Variants in B4GALT5 observed in about 807,000 individuals in gnomAD.
B4GALT5 encodes the protein beta-1,4-galactosyltransferase 5, also known as UDP-Gal:beta-GlcNAc beta-1,4-galactosyltransferase 5.
B4GALT5 carries 11 observed loss-of-function variants against 45.0 expected under a neutral mutation model. The ratio of observed to expected loss-of-function variants is 0.24; its 90% CI spans 0.15 to 0.40. The LOEUF (loss-of-function observed/expected upper bound fraction) is 0.40, where lower values mean the gene tolerates loss of function less well. Ranked by LOEUF, B4GALT5 falls within the 10% of genes least tolerant of loss-of-function variation. B4GALT5 has a pLI of 1.00. For missense variants in B4GALT5, 337 were observed against 500.2 expected (o/e 0.67, Z 3.11); for synonymous variants, 185 against 182.9 (o/e 1.01, Z -0.09).
At chr20:49,687,474 T>A (rs1406572383) in intron 1 of B4GALT5, among the ~76,000 whole-genome samples, 1 of 151,976 alleles carries the variant, frequency 6.6e-6, no homozygotes, top group Non-Finnish European at 1.5e-5. Flanking sequence ...TGAAACCCTG[T>A]CTCTACTAAA....
At chr20:49,659,037 T>C (rs867413267) in intron 1 of B4GALT5, among the ~76,000 whole-genome samples, 3 of 152,230 alleles carry the variant, frequency 2.0e-5, no homozygotes, top group South Asian at 4.1e-4. Context: ...CACTAGAATT[T>C]GAACCAGGTG....
chr20:49,665,658 CAAGT>C (rs1259657584), intron 1 of B4GALT5, among the ~76,000 whole-genome samples: 1 of 149,794 alleles, frequency 6.7e-6, no homozygotes, highest in East Asian at 1.9e-4. Context: ...TAAAGAGATA[CAAGT>C]AAGACACAGT....
At chr20:49,713,305 GGCGT>G (rs2085927297) in intron 1 of B4GALT5, among the ~76,000 whole-genome samples, 1 of 151,886 alleles carries the variant, frequency 6.6e-6, no homozygotes, top group African/African-American at 2.4e-5. Context: ...GCAAGGGGCG[GGCGT>G]GAAGGTACAG....
chr20:49,709,768 CAAA>C (rs201077150), intron 1 of B4GALT5, among the ~76,000 whole-genome samples: 2 of 94,656 alleles, frequency 2.1e-5, no homozygotes, highest in African/African-American at 3.8e-5. Flanking sequence ...AACTCCGTCT[CAAA>C]AAAAAAAAAA....
chr20:49,695,636 C>T (rs1291535963), intron 1 of B4GALT5, among the ~76,000 whole-genome samples: 2 of 152,124 alleles, frequency 1.3e-5, no homozygotes, highest in African/African-American at 2.4e-5. Context: ...GTCTTGAACT[C>T]CCGACCTCAG....
At chr20:49,679,425 T>C (rs2085754848) in intron 1 of B4GALT5, among the ~76,000 whole-genome samples, 2 of 151,848 alleles carry the variant, frequency 1.3e-5, no homozygotes, top group African/African-American at 2.4e-5. Context: ...TCCCAGCACT[T>C]TGGGAGGCCG....
intron 3 of B4GALT5, among the ~76,000 whole-genome samples, chr20:49,646,414 T>C (rs2123003558): frequency 6.6e-6 from 1 of 152,260 alleles, no homozygotes; most frequent in Middle Eastern, 3.4e-3. Flanking sequence ...GCTGTACCAT[T>C]TTTTATCTTT....
intron 2 of B4GALT5, among the ~76,000 whole-genome samples, 161 bp from the exon 3 acceptor site, chr20:49,647,239 C>T (rs1389929199): frequency 6.6e-6 from 1 of 152,160 alleles, no homozygotes; most frequent in Non-Finnish European, 1.5e-5. Context: ...GTGAACCCAT[C>T]AATAAAAATG....
intron 1 of B4GALT5, among the ~76,000 whole-genome samples, chr20:49,685,372 G>C (rs533098747): frequency 1.3e-5 from 2 of 151,978 alleles, no homozygotes; most frequent in Admixed American, 6.6e-5. Flanking sequence ...CCTCTACCAG[G>C]GCCCTTCAAA....
At chr20:49,640,810 A>C in intron 5 of B4GALT5, 145 bp from the exon 6 acceptor site, 2 of 811,318 alleles carry the variant, frequency 2.5e-6, no homozygotes, top group Non-Finnish European at 3.7e-6. Flanking sequence ...AAATCAACTC[A>C]CAGTGTGGCT....
At chr20:49,684,496 G>C in intron 1 of B4GALT5, 1 of 498,332 alleles carries the variant, frequency 2.0e-6, no homozygotes, top group South Asian at 1.5e-5. Flanking sequence ...CCAGGAGGCA[G>C]AGCTTGCAGT....
chr20:49,695,399 C>T (rs982215327), intron 1 of B4GALT5, among the ~76,000 whole-genome samples: 2 of 148,304 alleles, frequency 1.3e-5, no homozygotes, highest in Non-Finnish European at 3.0e-5. Flanking sequence ...CCTATCATGA[C>T]AGTCTGTTGT....
intron 1 of B4GALT5, among the ~76,000 whole-genome samples, chr20:49,668,359 G>T (rs2085700980): frequency 1.3e-5 from 2 of 151,988 alleles, no homozygotes; most frequent in African/African-American, 4.8e-5. Flanking sequence ...TGTCTAAACA[G>T]ATACTAGATG....
chr20:49,663,414 G>A (rs1422289729), intron 1 of B4GALT5, among the ~76,000 whole-genome samples: 1 of 149,646 alleles, frequency 6.7e-6, no homozygotes, highest in Non-Finnish European at 1.5e-5. Flanking sequence ...CTTAATAAAG[G>A]GAAATTGATA....
chr20:49,651,261 G>A (rs965805805), intron 2 of B4GALT5, among the ~76,000 whole-genome samples: 1 of 152,048 alleles, frequency 6.6e-6, no homozygotes, highest in Non-Finnish European at 1.5e-5. Flanking sequence ...ACTCCAGCCC[G>A]GGCAACAGAG....
At chr20:49,665,426 G>GT (rs1456492896) in intron 1 of B4GALT5, among the ~76,000 whole-genome samples, 3 of 76,334 alleles carry the variant, frequency 3.9e-5, no homozygotes, top group Non-Finnish European at 5.1e-5. Flanking sequence ...AAAAGGGGGG[G>GT]TGGGGGGGTA....
chr20:49,668,559 A>G (rs2146343054), intron 1 of B4GALT5, among the ~76,000 whole-genome samples: 1 of 132,498 alleles, frequency 7.5e-6, no homozygotes, highest in South Asian at 2.7e-4. Context: ...GAAACTGAAC[A>G]CGTACACTTA....
rs1409464806 is a variant in B4GALT5 at position 49,632,978 on chromosome 20, A to T, written c.*3334T>A. The T allele has an allele frequency of 6.6e-6, 1 of 152,624 alleles. No individual in the cohort carries two copies. Among genetic ancestry groups the T allele is most frequent in the Non-Finnish European group, 1.5e-5 (1 of 68,056 alleles). 9.5% of individuals were successfully genotyped at this position (152,624 alleles called of 1,614,324 possible). On this transcript the variant is annotated 3_prime_UTR_variant, in exon 9 of 9. Transcript: ENST00000371711. ...TTGAATATGTATTTTTTACTGAAAA[A>T]ATCATTCATAAATTAACATACAAAA...
intron 1 of B4GALT5, among the ~76,000 whole-genome samples, chr20:49,707,969 C>T (rs1192291132): frequency 4.0e-5 from 6 of 150,024 alleles, no homozygotes; most frequent in African/African-American, 1.5e-4. Flanking sequence ...GTGGCTCACA[C>T]CTCTAATCCC....
Sources: allele counts gnomAD v4.1 joint callset (sites outside exome capture counted in the v4.1 genomes callset), GRCh38; gene constraint gnomAD v4.1.1; transcripts MANE v1.5; gene names NCBI Gene and HGNC (gene_info 2026-07-23, HGNC 2026-07-21).